Variants in ARMC2 observed in about 807,000 individuals in gnomAD.
ARMC2 encodes armadillo repeat containing 2.
ARMC2 carries 67 observed loss-of-function variants against 90.3 expected under a neutral mutation model. That is an observed-to-expected ratio of 0.74 (90% CI 0.61 to 0.91). ARMC2 has a LOEUF of 0.91. Among genes scored for constraint, ARMC2 ranks in the 40% least tolerant of loss-of-function variants. ARMC2 has a pLI of 0.00. For synonymous variants in ARMC2, 393 were observed against 393.0 expected (o/e 1.00, Z 0.00); for missense variants, 920 against 1,030.9 (o/e 0.89, Z 1.47).
chr6:108,889,744 G>A (rs999232021), intron 5 of ARMC2, among the ~76,000 whole-genome samples: 4 of 151,602 alleles, frequency 2.6e-5, no homozygotes, highest in Admixed American at 6.6e-5. Context: ...CCACCATGCC[G>A]GCCAACTTTT....
the ARMC2 span, chr6:109,009,611 A>C: frequency 9.8e-7 from 1 of 1,016,404 alleles, no homozygotes; most frequent in Non-Finnish European, 1.2e-6. Flanking sequence ...CGCGCCCGTC[A>C]TTTCACCGCC....
At position 108,973,425 on chromosome 6, in the gene ARMC2, A is replaced by G; in HGVS notation, c.2515A>G (p.Thr839Ala). 1 of 1,613,944 alleles carries G rather than the reference A, an allele frequency of 6.2e-7. No homozygotes were observed. Among genetic ancestry groups the G allele is most frequent in the Non-Finnish European group, 8.5e-7 (1 of 1,179,812 alleles). The change falls in exon 18 of 18, where the codon ACA becomes GCA. Residue 839 changes from threonine to alanine, a missense_variant. Thr to Ala is a moderately conservative substitution (Grantham distance 58). Coordinates refer to ENST00000392644, the MANE Select transcript of ARMC2 (RefSeq NM_032131.6). ...AAACTATCACAAACTCCATTGGGAA[A>G]CAGAATTCAAACCTGTGGCACAGCA... The part of the protein sequence containing the change: ...LKNYHKLHWE[T>A]EFKPVAQQLL...
chr6:108,985,889 G>GATA, the ARMC2 span, among the ~76,000 whole-genome samples: 2 of 152,252 alleles, frequency 1.3e-5, no homozygotes, highest in Admixed American at 6.5e-5. Context: ...ACATATTGAA[G>GATA]ATAATAATAC....
chr6:109,000,417 G>C, the ARMC2 span: 1 of 1,188,520 alleles, frequency 8.4e-7, no homozygotes, highest in Non-Finnish European at 1.1e-6. Flanking sequence ...CTTTCTGTGC[G>C]ATTTTTCTGT....
Position 108,928,234 on chromosome 6 carries a change from G to T in ARMC2, c.1496+1G>T. ...GTACCAATATTGCCAGAATATTCAG[G>T]TAGGTAGACTAAGACGTGAAGTAGC... is the stretch of plus-strand genomic sequence containing the variant. On this transcript the variant is annotated splice_donor_variant, in intron 11 of 17. Coordinates refer to ENST00000392644, the MANE Select transcript of ARMC2 (RefSeq NM_032131.6). LOFTEE classifies it high-confidence loss of function. 2 of 1,502,976 alleles carry T rather than the reference G, an allele frequency of 1.3e-6. No homozygotes were observed. The highest frequency in any genetic ancestry group is 1.8e-6 in the Non-Finnish European group (2 of 1,123,944). The allele number at this position is 1,502,976 out of a possible 1,614,324, so 93.1% of individuals were successfully genotyped here.
chr6:109,049,627 G>A, the ARMC2 span, among the ~76,000 whole-genome samples: 1 of 151,398 alleles, frequency 6.6e-6, no homozygotes, highest in Non-Finnish European at 1.5e-5. Flanking sequence ...ACACTATTAT[G>A]TACCCCATAA....
intron 4 of ARMC2, among the ~76,000 whole-genome samples, chr6:108,870,845 C>T (rs900956415): frequency 1.3e-5 from 2 of 152,154 alleles, no homozygotes; most frequent in African/African-American, 4.8e-5. Context: ...AAGTTCTGTC[C>T]TCAGAGAGCT....
intron 11 of ARMC2, among the ~76,000 whole-genome samples, chr6:108,936,223 C>T (rs964273100): frequency 1.3e-5 from 2 of 151,970 alleles, no homozygotes; most frequent in African/African-American, 2.4e-5. Context: ...GGTTTTTGTT[C>T]GTTTGTTTTG....
chr6:108,902,345 A>G (rs909425215), intron 7 of ARMC2, among the ~76,000 whole-genome samples: 2 of 152,218 alleles, frequency 1.3e-5, no homozygotes, highest in African/African-American at 2.4e-5. Flanking sequence ...TAAAGCTAAA[A>G]ACAAGTATTC....
downstream of ARMC2, chr6:108,974,501 A>G (rs1183457397): frequency 6.6e-6 from 1 of 152,216 alleles, no homozygotes; most frequent in Non-Finnish European, 1.5e-5. Flanking sequence ...TTATTATCCT[A>G]TACTAGCCAA....
chr6:108,903,976 C>T (rs755143058), intron 7 of ARMC2, among the ~76,000 whole-genome samples: 1 of 152,042 alleles, frequency 6.6e-6, no homozygotes, highest in Non-Finnish European at 1.5e-5. Context: ...TTCTTCAATA[C>T]CTCTTTGAAA....
intron 13 of ARMC2, among the ~76,000 whole-genome samples, chr6:108,960,598 CAT>C: frequency 6.6e-6 from 1 of 152,288 alleles, no homozygotes; most frequent in East Asian, 1.9e-4. Context: ...ACATTAAACA[CAT>C]ATATAACATC....
chr6:109,000,417 G>T, the ARMC2 span: 1 of 1,188,518 alleles, frequency 8.4e-7, no homozygotes, highest in Non-Finnish European at 1.1e-6. Context: ...CTTTCTGTGC[G>T]ATTTTTCTGT....
At chr6:108,934,405 A>G (rs190001388) in intron 11 of ARMC2, among the ~76,000 whole-genome samples, 1 of 152,262 alleles carries the variant, frequency 6.6e-6, no homozygotes, top group East Asian at 1.9e-4. Flanking sequence ...GTTAACTAAT[A>G]TTTTGTTTAG....
the ARMC2 span, among the ~76,000 whole-genome samples, chr6:108,992,232 G>A: frequency 1.3e-5 from 2 of 152,028 alleles, no homozygotes; most frequent in Non-Finnish European, 2.9e-5. Flanking sequence ...CTGAGTAGAT[G>A]GGACCACAGG....
the ARMC2 span, chr6:109,001,513 T>G: frequency 6.3e-7 from 1 of 1,590,520 alleles, no homozygotes; most frequent in Non-Finnish European, 8.6e-7. Flanking sequence ...AAAACCATGG[T>G]TACTGAAATG....
the ARMC2 span, among the ~76,000 whole-genome samples, chr6:109,041,138 TAA>T: frequency 5.2e-5 from 7 of 135,018 alleles, no homozygotes; most frequent in South Asian, 2.4e-4. Context: ...CTGTTTCTAT[TAA>T]AAAAAAAAAA....
chr6:109,024,545 T>A, the ARMC2 span, among the ~76,000 whole-genome samples: 1 of 152,346 alleles, frequency 6.6e-6, no homozygotes, highest in African/African-American at 2.4e-5. Context: ...TACCTAAAAA[T>A]ATTTCTACAG....
the ARMC2 span, chr6:109,000,374 G>C: frequency 1.4e-6 from 1 of 703,564 alleles, no homozygotes; most frequent in Non-Finnish European, 2.2e-6. Flanking sequence ...TGTGGGAAGA[G>C]ATTCAGGGGG....
Sources: allele counts gnomAD v4.1 joint callset (sites outside exome capture counted in the v4.1 genomes callset), GRCh38; gene constraint gnomAD v4.1.1; transcripts MANE v1.5; gene names NCBI Gene and HGNC (gene_info 2026-07-23, HGNC 2026-07-21).